The following LINC00632 variants were observed in gnomAD, a reference collection of about 807,000 sequenced individuals.
The protein encoded by LINC00632 is ALDOA related specific transcript.
intron 2 of LINC00632, among the ~76,000 whole-genome samples, chrX:140,720,241 A>T (rs961229992): frequency 9.0e-6 from 1 of 111,367 alleles, no homozygotes; most frequent in African/African-American, 3.3e-5. Flanking sequence ...TCCATAAAAC[A>T]CTTCCTTGTC....
exon 5 of LINC00632, among the ~76,000 whole-genome samples, chrX:140,780,187 A>G (rs1010894583): frequency 3.6e-5 from 4 of 111,988 alleles, no homozygotes; most frequent in African/African-American, 1.3e-4. Flanking sequence ...CGCTCAATAA[A>G]TTGTTGTGAT....
At chrX:140,770,901 T>C (rs1931777932) in intron 3 of LINC00632, among the ~76,000 whole-genome samples, 1 of 112,000 alleles carries the variant, frequency 8.9e-6, no homozygotes, top group South Asian at 3.7e-4. Context: ...AATTATTTAT[T>C]TGAAAACATT....
chrX:140,785,184 T>TATAATAATAATAATA (rs777271354), exon 5 of LINC00632, among the ~76,000 whole-genome samples: 1 of 104,803 alleles, frequency 9.5e-6, no homozygotes, highest in African/African-American at 3.5e-5. Flanking sequence ...ATAATAATAA[T>TATAATAATAATAATA]ATAATAATAA....
intron 2 of LINC00632, among the ~76,000 whole-genome samples, chrX:140,717,665 C>T (rs933354805): frequency 1.8e-5 from 2 of 111,454 alleles, no homozygotes; most frequent in South Asian, 7.5e-4. Context: ...AAAACTTGCT[C>T]TACAATGGTT....
exon 5 of LINC00632, among the ~76,000 whole-genome samples, chrX:140,791,200 G>T: frequency 9.0e-6 from 1 of 111,254 alleles, no homozygotes; most frequent in Non-Finnish European, 1.9e-5. Flanking sequence ...ATTTTATCAG[G>T]GATGGATAAA....
At chrX:140,727,251 A>G (rs1236544697) in intron 2 of LINC00632, among the ~76,000 whole-genome samples, 2 of 111,701 alleles carry the variant, frequency 1.8e-5, no homozygotes, top group Non-Finnish European at 3.8e-5. Flanking sequence ...GCTCCATGAC[A>G]TAAGACTCCC....
At chrX:140,723,540 AC>A (rs1263944037) in intron 2 of LINC00632, among the ~76,000 whole-genome samples, 1 of 102,468 alleles carries the variant, frequency 9.8e-6, no homozygotes, top group African/African-American at 3.6e-5. Flanking sequence ...ACACACACAC[AC>A]ATTCCATACA....
exon 5 of LINC00632, among the ~76,000 whole-genome samples, chrX:140,780,445 T>C (rs1001104692): frequency 8.9e-6 from 1 of 112,108 alleles, no homozygotes; most frequent in African/African-American, 3.2e-5. Flanking sequence ...TGATTCTTTA[T>C]GCTATAATGT....
At chrX:140,749,838 C>G (rs1399945853) in intron 3 of LINC00632, among the ~76,000 whole-genome samples, 2 of 109,881 alleles carry the variant, frequency 1.8e-5, no homozygotes, top group Admixed American at 2.0e-4. Flanking sequence ...CATCACCTTG[C>G]CTGGCTAATT....
chrX:140,781,166 C>T (rs1931927910), exon 5 of LINC00632, among the ~76,000 whole-genome samples: 1 of 111,168 alleles, frequency 9.0e-6, no homozygotes, highest in African/African-American at 3.3e-5. Flanking sequence ...GTGATAGTTC[C>T]TGACTTCCTC....
intron 3 of LINC00632, among the ~76,000 whole-genome samples, chrX:140,760,066 G>GGAA (rs1931574642): frequency 8.9e-6 from 1 of 111,905 alleles, no homozygotes; most frequent in Non-Finnish European, 1.9e-5. Context: ...TATCCTCTAG[G>GGAA]GAAGGCAGAT....
chrX:140,733,390 T>TAA lies in LINC00632; in HGVS notation n.105-478_105-477dup, dbSNP rs769252052. 2.2e-3 allele frequency among the ~76,000 whole-genome samples: 231 copies of TAA among 106,524 alleles called. 1 individual carries two copies. Among genetic ancestry groups the TAA allele is most frequent in the African/African-American group, 7.5e-3 (223 of 29,545 alleles). 92.5% of individuals were successfully genotyped at this position (106,524 alleles called of 115,157 possible). ...TATTTAAATGCATGTCTATTGAAGTTAAAAAAAAAAACCTGCATTTTTATC... is the reference window on the plus strand; with the variant it reads ...TATTTAAATGCATGTCTATTGAAGTTAAAAAAAAAAAAACCTGCATTTTTATC... On this transcript the variant is annotated intron_variant and non_coding_transcript_variant, in intron 2 of 4. Transcript: ENST00000648200.
exon 5 of LINC00632, among the ~76,000 whole-genome samples, chrX:140,779,508 T>G (rs1931909023): frequency 8.9e-6 from 1 of 111,804 alleles, no homozygotes; most frequent in South Asian, 3.7e-4. Context: ...ATGCATTGAT[T>G]ACTGAACTTT....
intron 3 of LINC00632, among the ~76,000 whole-genome samples, chrX:140,757,077 C>T (rs5907053): frequency 0.32 from 34,215 of 108,346 alleles, 4,118 homozygotes; most frequent in Non-Finnish European, 0.35. Context: ...AATAGAACTG[C>T]CAATTAATCA....
chrX:140,723,317 A>T lies in LINC00632; in HGVS notation n.105-10561A>T, dbSNP rs749194509. 6.4e-3 allele frequency among the ~76,000 whole-genome samples: 296 copies of T among 46,416 alleles called. 1 individual carries two copies. The highest frequency in any genetic ancestry group is 0.022 in the African/African-American group (266 of 11,991). 40.3% of individuals were successfully genotyped at this position (46,416 alleles called of 115,157 possible). ...GCACACACACATTCCATACACACAG[A>T]CACACATTCCATACACACAGACACA... On this transcript the variant is annotated intron_variant and non_coding_transcript_variant, in intron 2 of 4. Transcript: ENST00000648200.
chrX:140,752,177 C>T (rs750750173), intron 3 of LINC00632, among the ~76,000 whole-genome samples: 24 of 111,914 alleles, frequency 2.1e-4, no homozygotes, highest in Non-Finnish European at 3.9e-4. Flanking sequence ...AAATGCATCC[C>T]TGTCATCCCT....
intron 2 of LINC00632, chrX:140,714,793 G>A (rs1930589241): frequency 9.7e-6 from 1 of 103,574 alleles, no homozygotes; most frequent in African/African-American, 3.6e-5. Flanking sequence ...CTGCACTCCA[G>A]CCTGGGCAAC....
At chrX:140,759,716 CAAAT>C (rs1161139144) in intron 3 of LINC00632, among the ~76,000 whole-genome samples, 59 of 111,020 alleles carry the variant, frequency 5.3e-4, no homozygotes, top group African/African-American at 1.9e-3. Context: ...CTCATTGTGA[CAAAT>C]AATTCATTCA....
At chrX:140,778,683 A>AT (rs1931902623) in exon 5 of LINC00632, among the ~76,000 whole-genome samples, 1 of 110,742 alleles carries the variant, frequency 9.0e-6, no homozygotes, top group African/African-American at 3.3e-5. Flanking sequence ...TACCTTGGCC[A>AT]TTTTTTTATT....
Sources: allele counts gnomAD v4.1 joint callset (sites outside exome capture counted in the v4.1 genomes callset), GRCh38; gene constraint gnomAD v4.1.1; transcripts MANE v1.5; gene names NCBI Gene and HGNC (gene_info 2026-07-23, HGNC 2026-07-21).